The following CD99L2 variants were observed in gnomAD, a reference collection of about 807,000 sequenced individuals.
CD99L2 encodes the protein CD99 antigen-like protein 2.
A neutral mutation model predicts 27.3 loss-of-function variants in CD99L2; 24 were observed. The ratio of observed to expected loss-of-function variants is 0.88; its 90% CI spans 0.64 to 1.24. The LOEUF is 1.24. CD99L2 is among the 50% of genes most tolerant of loss of function. The pLI is 0.00. For missense variants in CD99L2, 255 were observed against 221.6 expected (o/e 1.15, Z -0.96); for synonymous variants, 97 against 87.9 (o/e 1.10, Z -0.58).
intron 9 of CD99L2, among the ~76,000 whole-genome samples, chrX:150,774,542 C>A (rs1245090051): frequency 8.9e-6 from 1 of 111,947 alleles, no homozygotes; most frequent in African/African-American, 3.2e-5. Context: ...GGAGAGCCCA[C>A]GGAGGACAGC....
At chrX:150,888,298 G>C (rs111620977) in intron 1 of CD99L2, among the ~76,000 whole-genome samples, 3,010 of 111,972 alleles carry the variant, frequency 0.027, 75 homozygotes, top group African/African-American at 0.075. Flanking sequence ...ATCAGCTGAT[G>C]GCTGGACAAG....
chrX:150,895,540 C>G (rs1455458040), intron 1 of CD99L2, among the ~76,000 whole-genome samples: 1 of 110,687 alleles, frequency 9.0e-6, no homozygotes, highest in African/African-American at 3.3e-5. Flanking sequence ...TACTGAGGAC[C>G]AGGACCAAGA....
At chrX:150,885,382 AAACAAC>A (rs201459880) in intron 1 of CD99L2, among the ~76,000 whole-genome samples, 25 of 111,164 alleles carry the variant, frequency 2.2e-4, no homozygotes, top group African/African-American at 8.2e-4. Flanking sequence ...AACAACAAAA[AAACAAC>A]AACAACAACA....
chrX:150,801,108 C>A (rs2045898859), intron 4 of CD99L2, among the ~76,000 whole-genome samples: 1 of 110,611 alleles, frequency 9.0e-6, no homozygotes, highest in African/African-American at 3.3e-5. Context: ...GAGAGTTCTA[C>A]CAAACATTTA....
At chrX:150,859,419 A>G (rs1260924372) in intron 1 of CD99L2, among the ~76,000 whole-genome samples, 1 of 110,571 alleles carries the variant, frequency 9.0e-6, no homozygotes, top group Non-Finnish European at 1.9e-5. Flanking sequence ...GAATCGCTTG[A>G]ACCCGAGAGG....
intron 10 of CD99L2, among the ~76,000 whole-genome samples, chrX:150,769,692 TCGGC>T (rs2043394150): frequency 1.0e-4 from 8 of 77,569 alleles, no homozygotes; most frequent in Middle Eastern, 0.011. Context: ...CCACCAGGCC[TCGGC>T]TGCTCCCCGA....
chrX:150,788,264 T>C (rs1205750078), intron 7 of CD99L2, among the ~76,000 whole-genome samples: 2 of 111,788 alleles, frequency 1.8e-5, no homozygotes, highest in African/African-American at 6.5e-5. Flanking sequence ...TTGAACATCA[T>C]GTAACTTCTT....
chrX:150,769,591 C>G (rs1269771589), intron 10 of CD99L2, among the ~76,000 whole-genome samples: 4 of 111,743 alleles, frequency 3.6e-5, no homozygotes, highest in Non-Finnish European at 5.7e-5. Flanking sequence ...GGCTGAGCCC[C>G]TCCTGGTCTC....
At chrX:150,873,243 C>T (rs1425340619) in intron 1 of CD99L2, among the ~76,000 whole-genome samples, 3 of 112,124 alleles carry the variant, frequency 2.7e-5, no homozygotes, top group Non-Finnish European at 5.6e-5. Flanking sequence ...GGAACAAAGA[C>T]GCATTGATCC....
At chrX:150,893,840 C>T (rs1557422965) in intron 1 of CD99L2, among the ~76,000 whole-genome samples, 1 of 109,659 alleles carries the variant, frequency 9.1e-6, no homozygotes, top group African/African-American at 3.3e-5. Context: ...TTTAGCCTCC[C>T]GAGTAGCTGG....
intron 1 of CD99L2, among the ~76,000 whole-genome samples, chrX:150,840,351 G>A (rs574130676): frequency 9.0e-6 from 1 of 111,318 alleles, no homozygotes; most frequent in South Asian, 3.8e-4. Flanking sequence ...GGGGTGGGGA[G>A]AACACATACA....
At chrX:150,885,488 T>C (rs1208168595) in intron 1 of CD99L2, among the ~76,000 whole-genome samples, 1 of 112,320 alleles carries the variant, frequency 8.9e-6, no homozygotes, top group Non-Finnish European at 1.9e-5. Context: ...TTGATGCCAA[T>C]AATGTGAAAT....
At chrX:150,873,678 T>C (rs1387715450) in intron 1 of CD99L2, among the ~76,000 whole-genome samples, 4 of 111,157 alleles carry the variant, frequency 3.6e-5, no homozygotes, top group Admixed American at 2.9e-4. Flanking sequence ...GGGAATCGGG[T>C]TGGAGTCTAC....
chrX:150,846,197 A>T (rs2046700371), intron 1 of CD99L2, among the ~76,000 whole-genome samples: 2 of 112,485 alleles, frequency 1.8e-5, no homozygotes, highest in Admixed American at 9.4e-5. Flanking sequence ...ATCTCAAAAA[A>T]GAAAAAATAA....
At chrX:150,856,569 A>AAATAATAATAATAAT (rs10564205) in intron 1 of CD99L2, among the ~76,000 whole-genome samples, 1,045 of 98,656 alleles carry the variant, frequency 0.011, 10 homozygotes, top group Non-Finnish European at 0.017. Context: ...AGCCAGGCTA[A>AAATAATAATAATAAT]AATAATAATA....
At chrX:150,816,747 C>T (rs960142697) in intron 2 of CD99L2, among the ~76,000 whole-genome samples, 10 of 107,294 alleles carry the variant, frequency 9.3e-5, no homozygotes, top group East Asian at 3.0e-4. Flanking sequence ...CACATGCACA[C>T]GTATGTTTAT....
intron 1 of CD99L2, among the ~76,000 whole-genome samples, chrX:150,867,313 G>A (rs1252467842): frequency 9.0e-6 from 1 of 111,536 alleles, no homozygotes; most frequent in Non-Finnish European, 1.9e-5. Context: ...GGGAGGCTGA[G>A]GCAGGAGGAT....
chrX:150,808,149 C>A (rs2046021863), intron 4 of CD99L2, among the ~76,000 whole-genome samples: 3 of 112,204 alleles, frequency 2.7e-5, no homozygotes, highest in Admixed American at 1.9e-4. Flanking sequence ...CTAAAGCAAC[C>A]TTCCTGCCTG....
intron 1 of CD99L2, among the ~76,000 whole-genome samples, chrX:150,892,893 A>T (rs2047541657): frequency 9.0e-6 from 1 of 111,549 alleles, no homozygotes; most frequent in African/African-American, 3.3e-5. Context: ...AGGCCAAGGC[A>T]GGTGGAACAC....
Sources: gnomAD v4.1 joint callset for allele counts (sites outside exome capture counted in the v4.1 genomes callset) on GRCh38, gnomAD v4.1.1 for gene constraint, MANE v1.5 for transcripts, NCBI Gene and HGNC (gene_info 2026-07-23, HGNC 2026-07-21) for gene names.